The following RIMS2 variants were observed in gnomAD, a reference collection of about 807,000 sequenced individuals.
The protein encoded by RIMS2 is regulating synaptic membrane exocytosis protein 2.
In RIMS2, 59 loss-of-function variants were observed where a neutral mutation model predicts 174.4. That is an observed-to-expected ratio of 0.34 (90% confidence interval 0.27 to 0.42). The LOEUF is 0.42. Among genes scored for constraint, RIMS2 ranks in the 10% least tolerant of loss-of-function variants. The probability of loss-of-function intolerance (pLI) is 1.00; values close to 1 mark genes in which losing one functional copy is unlikely to be tolerated. For synonymous variants in RIMS2, 606 were observed against 572.5 expected, an observed-to-expected ratio of 1.06 and a Z score of -0.84; for missense variants, 1,620 against 1,666.3, an observed-to-expected ratio of 0.97 and a Z score of 0.48.
intron 1 of RIMS2, among the ~76,000 whole-genome samples, chr8:103,592,516 TAAAAC>T (rs1344058310): frequency 2.0e-5 from 3 of 151,288 alleles, no homozygotes; most frequent in Non-Finnish European, 4.5e-5. Flanking sequence ...CAATATTAGA[TAAAAC>T]AAAGATTCAA....
intron 1 of RIMS2, among the ~76,000 whole-genome samples, chr8:103,622,794 A>G (rs2095666557): frequency 6.6e-6 from 1 of 152,216 alleles, no homozygotes; most frequent in Non-Finnish European, 1.5e-5. Flanking sequence ...CAGCCAGGGA[A>G]ACTGATCTAG....
intron 19 of RIMS2, among the ~76,000 whole-genome samples, chr8:104,137,029 C>T (rs2098526577): frequency 6.6e-6 from 1 of 152,022 alleles, no homozygotes; most frequent in African/African-American, 2.4e-5. Flanking sequence ...ATTAAATTTA[C>T]TTGTATATGC....
intron 1 of RIMS2, among the ~76,000 whole-genome samples, chr8:103,580,844 T>TTTC: frequency 8.1e-6 from 1 of 123,312 alleles, no homozygotes; most frequent in East Asian, 2.1e-4. Flanking sequence ...TTTTTTTTTT[T>TTTC]TTTGAGACAG....
At chr8:103,955,400 C>A (rs1216744052) in intron 14 of RIMS2, among the ~76,000 whole-genome samples, 1 of 152,142 alleles carries the variant, frequency 6.6e-6, no homozygotes, top group Non-Finnish European at 1.5e-5. Context: ...AGGTTGTCCA[C>A]CACAATCAAG....
chr8:103,751,278 A>G (rs977261987), intron 2 of RIMS2, among the ~76,000 whole-genome samples: 75 of 152,060 alleles, frequency 4.9e-4, no homozygotes, highest in African/African-American at 1.7e-3. Context: ...ACATGAACTC[A>G]TCCTTTTTTA....
At chr8:103,933,248 G>C (rs1307498150) in intron 12 of RIMS2, among the ~76,000 whole-genome samples, 4 of 148,036 alleles carry the variant, frequency 2.7e-5, no homozygotes, top group Non-Finnish European at 5.9e-5. Context: ...AGCCGAGATC[G>C]CACCACTGCA....
intron 12 of RIMS2, among the ~76,000 whole-genome samples, chr8:103,933,154 G>A (rs376469805): frequency 2.0e-5 from 3 of 152,122 alleles, no homozygotes; most frequent in African/African-American, 7.2e-5. Context: ...TTAGCCAGGC[G>A]TGGTGGCAGG....
chr8:103,870,526 G>C (rs1463510133), intron 3 of RIMS2, among the ~76,000 whole-genome samples: 1 of 151,936 alleles, frequency 6.6e-6, no homozygotes, highest in African/African-American at 2.4e-5. Flanking sequence ...ATTAGTGATG[G>C]GAAAACACTG....
At chr8:103,959,287 T>C (rs1469228768) in intron 14 of RIMS2, among the ~76,000 whole-genome samples, 1 of 152,182 alleles carries the variant, frequency 6.6e-6, no homozygotes, top group African/African-American at 2.4e-5. Flanking sequence ...GACAAATGTA[T>C]ATGGATTATT....
chr8:103,716,693 C>G (rs1482718583), intron 2 of RIMS2, among the ~76,000 whole-genome samples: 1 of 151,954 alleles, frequency 6.6e-6, no homozygotes, highest in South Asian at 2.1e-4. Context: ...TCTTAACCTT[C>G]TGACTTAGTA....
intron 19 of RIMS2, among the ~76,000 whole-genome samples, chr8:104,199,708 T>C (rs1019768941): frequency 6.6e-6 from 1 of 152,150 alleles, no homozygotes; most frequent in Non-Finnish European, 1.5e-5. Flanking sequence ...AGTATATCAA[T>C]AAGCAGAGAT....
chr8:104,066,906 T>A (rs997449738), intron 19 of RIMS2, among the ~76,000 whole-genome samples: 123 of 152,272 alleles, frequency 8.1e-4, no homozygotes, highest in African/African-American at 2.7e-3. Context: ...TCTTCCCTTT[T>A]CATATTATTT....
intron 1 of RIMS2, among the ~76,000 whole-genome samples, chr8:103,549,133 C>G (rs1177291608): frequency 4.6e-5 from 7 of 152,060 alleles, no homozygotes; most frequent in African/African-American, 7.2e-5. Flanking sequence ...CACCAAGATA[C>G]TCCTCGAGAA....
intron 19 of RIMS2, among the ~76,000 whole-genome samples, chr8:104,208,533 A>T (rs1048370440): frequency 4.6e-5 from 7 of 151,772 alleles, no homozygotes; most frequent in Admixed American, 6.6e-5. Context: ...GAGCCACTGC[A>T]CTCCAGCCTG....
chr8:104,255,046 GT>G (rs2099366075), downstream of RIMS2: 1 of 152,156 alleles, frequency 6.6e-6, no homozygotes. Context: ...TCTGCTTCAG[GT>G]TTGAAATTTA....
intron 14 of RIMS2, among the ~76,000 whole-genome samples, chr8:103,946,740 T>C (rs2083900898): frequency 6.6e-6 from 1 of 152,292 alleles, no homozygotes; most frequent in Middle Eastern, 3.4e-3. Flanking sequence ...CTAAGCAGGA[T>C]ATTTTGCTGA....
At chr8:103,543,963 G>A (rs914775925) in intron 1 of RIMS2, among the ~76,000 whole-genome samples, 2 of 152,144 alleles carry the variant, frequency 1.3e-5, no homozygotes, top group Non-Finnish European at 2.9e-5. Flanking sequence ...AACAGCAAAA[G>A]TAGACAAATG....
intron 1 of RIMS2, among the ~76,000 whole-genome samples, chr8:103,503,792 A>G (rs1272899319): frequency 6.6e-6 from 1 of 152,026 alleles, no homozygotes; most frequent in African/African-American, 2.4e-5. Flanking sequence ...AGATGACAAT[A>G]CCTAGATGCA....
chr8:103,831,596 T>C (rs2098826432), intron 3 of RIMS2, among the ~76,000 whole-genome samples: 1 of 152,204 alleles, frequency 6.6e-6, no homozygotes, highest in African/African-American at 2.4e-5. Context: ...TTCATAATGA[T>C]ATGAAATCTA....
Sources: allele counts gnomAD v4.1 joint callset (sites outside exome capture counted in the v4.1 genomes callset), GRCh38; gene constraint gnomAD v4.1.1; transcripts MANE v1.5; gene names NCBI Gene and HGNC (gene_info 2026-07-23, HGNC 2026-07-21).